Variants in KIAA1549L observed in about 807,000 individuals in gnomAD.
The protein encoded by KIAA1549L is UPF0606 protein KIAA1549L.
Under a neutral mutation model 160.7 loss-of-function variants are expected in KIAA1549L, and 88 were observed. The observed-to-expected ratio is 0.55, with a 90% CI of 0.46 to 0.65. The LOEUF (loss-of-function observed/expected upper bound fraction) is 0.65. Among genes scored for constraint, KIAA1549L ranks in the 30% least tolerant of loss-of-function variants. The pLI is 0.00. For missense variants in KIAA1549L, 2,258 were observed against 2,437.5 expected, an observed-to-expected ratio of 0.93 and a Z score of 1.55; for synonymous variants, 950 against 976.7, an observed-to-expected ratio of 0.97 and a Z score of 0.51.
chr11:33,577,563 G>C (rs149688327), intron 10 of KIAA1549L, among the ~76,000 whole-genome samples: 232 of 152,272 alleles, frequency 1.5e-3, no homozygotes, highest in African/African-American at 4.1e-3. Context: ...GTGGAGTACG[G>C]GGGACACTTG....
intron 17 of KIAA1549L, among the ~76,000 whole-genome samples, chr11:33,652,514 A>G (rs1851925507): frequency 6.6e-6 from 1 of 152,182 alleles, no homozygotes; most frequent in Non-Finnish European, 1.5e-5. Context: ...ATTTTTCATC[A>G]GTTCTCTTGG....
At chr11:33,407,068 T>C (rs1850672428) in intron 1 of KIAA1549L, among the ~76,000 whole-genome samples, 1 of 144,740 alleles carries the variant, frequency 6.9e-6, no homozygotes, top group Non-Finnish European at 1.5e-5. Context: ...AGTTCAGTCC[T>C]TTTTCTTTTT....
At chr11:33,459,019 A>G (rs1425351791) in intron 1 of KIAA1549L, among the ~76,000 whole-genome samples, 1 of 152,120 alleles carries the variant, frequency 6.6e-6, no homozygotes, top group Non-Finnish European at 1.5e-5. Flanking sequence ...TATTACTTAC[A>G]CTGCTTTTTA....
intron 1 of KIAA1549L, among the ~76,000 whole-genome samples, chr11:33,440,166 G>C (rs1590246079): frequency 9.6e-6 from 1 of 104,402 alleles, no homozygotes; most frequent in Middle Eastern, 0.012. Context: ...GTCTCGCTCT[G>C]TCGCCCAGGC....
intron 17 of KIAA1549L, among the ~76,000 whole-genome samples, chr11:33,647,407 T>C (rs1185205386): frequency 2.6e-5 from 4 of 151,312 alleles, no homozygotes; most frequent in Non-Finnish European, 5.9e-5. Flanking sequence ...AGAATATTCA[T>C]TGTGATTATT....
rs200732772 is a variant in KIAA1549L, at chr11:33,392,985, CCT to C, written c.238+16097_238+16098del. Among the ~76,000 whole-genome samples, 1,175 of 152,294 alleles carry C rather than the reference CCT, an allele frequency of 7.7e-3. 14 individuals are homozygous for C. Among genetic ancestry groups the C allele is most frequent in the Non-Finnish European group, 0.01 (702 of 68,024 alleles). ...CCAAAGCTGCATCTCCTAATTGTCC[CCT>C]GTCTCTAGTCTTGTCCCCCTTTAAA... On this transcript the variant is annotated intron_variant, in intron 1 of 20. Coordinates refer to ENST00000658780, the MANE Select transcript of KIAA1549L (RefSeq NM_012194.3).
chr11:33,607,097 T>C (rs777531612), intron 14 of KIAA1549L, among the ~76,000 whole-genome samples: 40 of 152,126 alleles, frequency 2.6e-4, no homozygotes, highest in Non-Finnish European at 4.6e-4. Context: ...GCATCAGGCG[T>C]CCTGCTCCCC....
intron 15 of KIAA1549L, among the ~76,000 whole-genome samples, chr11:33,612,889 A>T (rs569239833): frequency 6.6e-6 from 1 of 152,334 alleles, no homozygotes; most frequent in African/African-American, 2.4e-5. Context: ...TTTGCTAAGG[A>T]TAATAGCCTC....
chr11:33,574,393 G>A (rs1855372674), intron 9 of KIAA1549L, among the ~76,000 whole-genome samples: 1 of 152,208 alleles, frequency 6.6e-6, no homozygotes, highest in African/African-American at 2.4e-5. Context: ...ATTAAATGCA[G>A]AGGCCTATTT....
intron 16 of KIAA1549L, among the ~76,000 whole-genome samples, chr11:33,634,203 C>T (rs970952032): frequency 4.5e-4 from 68 of 152,222 alleles, no homozygotes; most frequent in African/African-American, 1.5e-3. Context: ...CCACCATGCC[C>T]AGCTAATTTT....
chr11:33,587,859 C>A (rs1486141961), intron 11 of KIAA1549L, among the ~76,000 whole-genome samples: 1 of 152,186 alleles, frequency 6.6e-6, no homozygotes, highest in African/African-American at 2.4e-5. Context: ...CCTCCCACTT[C>A]CTCACAGACA....
chr11:33,505,419 A>C (rs892631665), intron 1 of KIAA1549L, among the ~76,000 whole-genome samples: 1 of 152,230 alleles, frequency 6.6e-6, no homozygotes, highest in Non-Finnish European at 1.5e-5. Flanking sequence ...CCAGCTCAAC[A>C]TTCTGCTGCC....
At chr11:33,583,206 TA>T in intron 10 of KIAA1549L, 131 bp from the exon 11 acceptor site, 1 of 819,134 alleles carries the variant, frequency 1.2e-6, no homozygotes, top group Non-Finnish European at 1.9e-6. Context: ...GGAGGCTTTC[TA>T]ACCCCAAACC....
intron 13 of KIAA1549L, among the ~76,000 whole-genome samples, chr11:33,605,519 A>G (rs1011895808): frequency 6.6e-6 from 1 of 152,200 alleles, no homozygotes; most frequent in African/African-American, 2.4e-5. Context: ...AAAAAATCCA[A>G]TTATAACCCA....
chr11:33,421,361 A>G (rs1327146420), intron 1 of KIAA1549L, among the ~76,000 whole-genome samples: 2 of 152,208 alleles, frequency 1.3e-5, no homozygotes, highest in Non-Finnish European at 2.9e-5. Flanking sequence ...GTCCCATGAC[A>G]GGAGCTTTTA....
chr11:33,574,532 C>T (rs1489921055), intron 9 of KIAA1549L, among the ~76,000 whole-genome samples, 170 bp from the exon 10 acceptor site: 1 of 152,202 alleles, frequency 6.6e-6, no homozygotes, highest in Non-Finnish European at 1.5e-5. Flanking sequence ...GTCTCCTGCT[C>T]CAGCGAGAGC....
At chr11:33,393,266 T>A (rs1274624592) in intron 1 of KIAA1549L, among the ~76,000 whole-genome samples, 1 of 152,158 alleles carries the variant, frequency 6.6e-6, no homozygotes, top group Non-Finnish European at 1.5e-5. Context: ...CTACACTTCT[T>A]CAAGACTCAA....
intron 1 of KIAA1549L, among the ~76,000 whole-genome samples, chr11:33,420,961 C>A (rs1850998773): frequency 6.6e-6 from 1 of 152,106 alleles, no homozygotes; most frequent in African/African-American, 2.4e-5. Flanking sequence ...GTCCCTCCGG[C>A]CCTGAGGAAT....
At chr11:33,436,959 T>A (rs965239266) in intron 1 of KIAA1549L, among the ~76,000 whole-genome samples, 4 of 152,220 alleles carry the variant, frequency 2.6e-5, no homozygotes, top group African/African-American at 9.6e-5. Context: ...ACGTGGGGTG[T>A]TCTCTGTATA....
Sources: allele counts gnomAD v4.1 joint callset (sites outside exome capture counted in the v4.1 genomes callset), GRCh38; gene constraint gnomAD v4.1.1; transcripts MANE v1.5; gene names NCBI Gene and HGNC (gene_info 2026-07-23, HGNC 2026-07-21).